Variants in DHX30 observed in about 807,000 individuals in gnomAD.
DHX30 encodes DExH-box helicase 30.
DHX30 carries 4 observed loss-of-function variants against 116.9 expected under a neutral mutation model. The observed-to-expected ratio is 0.03, with a 90% CI of 0.02 to 0.08. DHX30 has a LOEUF of 0.08. DHX30 is among the 10% of genes least tolerant of loss of function. The pLI is 1.00. For synonymous variants in DHX30, 697 were observed against 651.7 expected, an observed-to-expected ratio of 1.07 and a Z score of -1.06; for missense variants, 871 against 1,595.1, an observed-to-expected ratio of 0.55 and a Z score of 7.73.
chr3:47,848,041 C>T lies in DHX30; in HGVS notation c.2286+85C>T. On this transcript the variant is annotated intron_variant, in intron 14 of 21. Transcript: ENST00000445061. This position sits in a 1 kb window ranked among gnomAD's most constrained non-coding sequence, Gnocchi z 9.4. ...TCCCCAGCCCAGATCTACCTTAGAC[C>T]TGCTTTGTGTGTCTTCAGAAGGCCG... is the stretch of plus-strand genomic sequence containing the variant. 1 of 1,589,924 alleles carries T rather than the reference C, an allele frequency of 6.3e-7. No individual in the cohort carries two copies. Among genetic ancestry groups the T allele is most frequent in the Non-Finnish European group, 8.6e-7 (1 of 1,163,894 alleles).
intron 1 of DHX30, among the ~76,000 whole-genome samples, chr3:47,804,466 A>C (rs192148913): frequency 6.6e-6 from 1 of 152,272 alleles, no homozygotes; most frequent in Non-Finnish European, 1.5e-5. Flanking sequence ...GAGGCAAGAG[A>C]ATTGCTTGAA....
chr3:47,824,501 A>G (rs941608781), intron 4 of DHX30, among the ~76,000 whole-genome samples: 1 of 152,136 alleles, frequency 6.6e-6, no homozygotes, highest in Non-Finnish European at 1.5e-5. Flanking sequence ...TATGCTGCCC[A>G]GACTGGTCTC....
chr3:47,842,953 G>A (rs754977311), intron 8 of DHX30, among the ~76,000 whole-genome samples, 153 bp from the exon 9 acceptor site: 1 of 152,250 alleles, frequency 6.6e-6, no homozygotes, highest in Non-Finnish European at 1.5e-5. Flanking sequence ...GCCTGCTCCT[G>A]GCTATGCAGC....
In DHX30 at chr3:47,847,113, G is replaced by A. The variant is rs968903099; in HGVS notation, c.1929+112G>A. 39 of 1,495,550 alleles carry A rather than the reference G, an allele frequency of 2.6e-5. No individual in the cohort carries two copies. In the East Asian group the frequency reaches 8.7e-4, roughly 33 times the overall value. 92.6% of individuals were successfully genotyped at this position (1,495,550 alleles called of 1,614,324 possible). On this transcript the variant is annotated intron_variant, in intron 11 of 21. Transcript: ENST00000445061. The surrounding 1 kb of genome is among the most constrained non-coding windows in gnomAD (Gnocchi z 5.5). ...GGCAAGTTACCCTCCCCAGTCCTCG[G>A]TTTCCTTGATAGAAACTGGGGACTA...
chr3:47,824,212 A>AG (rs1374678112), intron 4 of DHX30, among the ~76,000 whole-genome samples: 2 of 152,006 alleles, frequency 1.3e-5, no homozygotes, highest in Admixed American at 1.3e-4. Context: ...CATGTTGGCC[A>AG]GGCTGGTCTC....
In DHX30 at chr3:47,846,588, G is replaced by A. The variant is rs2037618209; in HGVS notation, c.1516G>A (p.Glu506Lys). ...GTCTGTGGCACAGCGGGTCAGCCAC[G>A]AACTGGGCCCCTCCCTGCGCCGGAA... ...AVSVAQRVSHELGPSLRRNVG... is the reference protein window; with the variant it reads ...AVSVAQRVSHKLGPSLRRNVG... The change falls in exon 11 of 22, where the codon GAA (glutamate) becomes AAA (lysine). Residue 506 changes from glutamate (E) to lysine (K), a missense_variant. By Grantham distance (56) the Glu-to-Lys change is moderately conservative. Transcript: ENST00000445061. 3 of 1,614,020 alleles carry A rather than the reference G, an allele frequency of 1.9e-6. No individual in the cohort carries two copies. The highest frequency in any genetic ancestry group is 1.3e-5 in the African/African-American group (1 of 74,950).
At chr3:47,824,265 A>G (rs2036435509) in intron 4 of DHX30, among the ~76,000 whole-genome samples, 1 of 151,934 alleles carries the variant, frequency 6.6e-6, no homozygotes, top group Non-Finnish European at 1.5e-5. Flanking sequence ...GGCTTCCGAA[A>G]GTGCTGGGAT....
At chr3:47,835,716 A>G (rs1025041420) in intron 6 of DHX30, among the ~76,000 whole-genome samples, 1 of 152,256 alleles carries the variant, frequency 6.6e-6, no homozygotes, top group African/African-American at 2.4e-5. Context: ...TTCTGGGATT[A>G]TAGGCATGAG....
intron 4 of DHX30, among the ~76,000 whole-genome samples, chr3:47,827,032 A>G (rs2036583735): frequency 6.6e-6 from 1 of 152,070 alleles, no homozygotes; most frequent in Non-Finnish European, 1.5e-5. Context: ...TGGGGGGTTT[A>G]TTGACCAACC....
At chr3:47,832,692 A>G (rs1157775007) in intron 6 of DHX30, among the ~76,000 whole-genome samples, 1 of 149,874 alleles carries the variant, frequency 6.7e-6, no homozygotes, top group Non-Finnish European at 1.5e-5. Context: ...GCTGGAGTAC[A>G]GTGGCGCAGT....
intron 3 of DHX30, among the ~76,000 whole-genome samples, chr3:47,812,432 C>G (rs1410725445): frequency 6.6e-6 from 1 of 150,978 alleles, no homozygotes; most frequent in African/African-American, 2.4e-5. Flanking sequence ...GTGGTGTGCA[C>G]CTGTATTCCC....
rs2035365354 is a variant in DHX30 at position 47,803,219 on chromosome 3, TG to T, written c.-123+10del. On this transcript the variant is annotated splice_region_variant and intron_variant, in intron 1 of 21. Coordinates refer to ENST00000445061, the MANE Select transcript of DHX30 (RefSeq NM_138615.3). ...TTCACATCTGTAACAACAGGTGAATTGGGCTTTTTATTCTCCCCTTTCGTGC... is the reference window on the plus strand; with the variant it reads ...TTCACATCTGTAACAACAGGTGAATTGGCTTTTTATTCTCCCCTTTCGTGC... The T allele has an allele frequency of 2.5e-6, 1 of 393,416 alleles. No individual in the cohort carries two copies. The highest frequency in any genetic ancestry group is 4.5e-6 in the Non-Finnish European group (1 of 222,570). 24.4% of individuals were successfully genotyped at this position (393,416 alleles called of 1,614,324 possible).
chr3:47,831,050 C>T (rs2036825356), intron 6 of DHX30: 1 of 151,874 alleles, frequency 6.6e-6, no homozygotes, highest in Admixed American at 6.6e-5. Flanking sequence ...CCCCATAGTA[C>T]CCATCTCTTT....
At chr3:47,817,176 C>A (rs1576470307) in intron 3 of DHX30, among the ~76,000 whole-genome samples, 1 of 152,164 alleles carries the variant, frequency 6.6e-6, no homozygotes, top group East Asian at 1.9e-4. Flanking sequence ...GTACTGAAAC[C>A]AGAGGGGCAA....
At chr3:47,828,313 A>G (rs1306733424) in intron 5 of DHX30, among the ~76,000 whole-genome samples, 1 of 151,314 alleles carries the variant, frequency 6.6e-6, no homozygotes, top group African/African-American at 2.4e-5. Flanking sequence ...TGAAAAAGTT[A>G]CTCAGGCATT....
At chr3:47,819,822 C>T (rs2036218436) in intron 4 of DHX30, among the ~76,000 whole-genome samples, 1 of 152,186 alleles carries the variant, frequency 6.6e-6, no homozygotes, top group African/African-American at 2.4e-5. Context: ...AGGCTTCCTT[C>T]CAGGGTAAAG....
At chr3:47,809,465 C>G (rs1176562089) in intron 2 of DHX30, among the ~76,000 whole-genome samples, 1 of 151,598 alleles carries the variant, frequency 6.6e-6, no homozygotes, top group Non-Finnish European at 1.5e-5. Context: ...AGGATGGTCT[C>G]GATCTCCTGA....
chr3:47,819,599 T>TA (rs2036209359), intron 4 of DHX30, among the ~76,000 whole-genome samples: 1 of 152,202 alleles, frequency 6.6e-6, no homozygotes, highest in Non-Finnish European at 1.5e-5. Context: ...CTGTGCTTTC[T>TA]AGCTCCCTAG....
At chr3:47,821,614 A>T (rs2036304386) in intron 4 of DHX30, among the ~76,000 whole-genome samples, 1 of 146,750 alleles carries the variant, frequency 6.8e-6, no homozygotes, top group Non-Finnish European at 1.5e-5. Context: ...TGATTGATTG[A>T]TTGAGATGGA....
Sources: allele counts gnomAD v4.1 joint callset (sites outside exome capture counted in the v4.1 genomes callset), GRCh38; gene constraint gnomAD v4.1.1; non-coding constraint Gnocchi (gnomAD v3.1); transcripts MANE v1.5; gene names NCBI Gene and HGNC (gene_info 2026-07-23, HGNC 2026-07-21).